The following DNAJC24 variants were observed in gnomAD, a reference collection of about 807,000 sequenced individuals.
DNAJC24 encodes dnaJ homolog subfamily C member 24.
DNAJC24 carries 17 observed loss-of-function variants against 18.0 expected under a neutral mutation model. The observed-to-expected ratio is 0.94, with a 90% CI of 0.65 to 1.42. The LOEUF is 1.42. DNAJC24 is among the 40% of genes most tolerant of loss of function. The probability of loss-of-function intolerance (pLI) is 0.00; values close to 1 mark genes in which losing one functional copy is unlikely to be tolerated. For missense variants in DNAJC24, 158 were observed against 175.6 expected (o/e 0.90, Z 0.57); for synonymous variants, 55 against 57.7 (o/e 0.95, Z 0.21).
At chr11:31,425,505 C>G (rs1952852471) in intron 3 of DNAJC24, among the ~76,000 whole-genome samples, 1 of 152,096 alleles carries the variant, frequency 6.6e-6, no homozygotes, top group Admixed American at 6.6e-5. Flanking sequence ...TGCTGGTTGA[C>G]TCGGTTTCTG....
At chr11:31,427,715 A>G (rs1952876402) in intron 4 of DNAJC24, 1 of 152,186 alleles carries the variant, frequency 6.6e-6, no homozygotes. Context: ...AGTTCTTGCT[A>G]TAGTCGATAT....
At chr11:31,421,899 A>G in intron 3 of DNAJC24, 1 of 415,800 alleles carries the variant, frequency 2.4e-6, no homozygotes, top group Non-Finnish European at 4.8e-6. Flanking sequence ...CAAGCTGCTA[A>G]TAGTTATTTA....
At chr11:31,402,018 G>T (rs1952605596) in intron 2 of DNAJC24, among the ~76,000 whole-genome samples, 1 of 152,154 alleles carries the variant, frequency 6.6e-6, no homozygotes, top group Non-Finnish European at 1.5e-5. Flanking sequence ...TCACTTCAAG[G>T]TCGGGATATT....
At chr11:31,370,986 T>C in intron 2 of DNAJC24, 127 bp downstream of exon 2, 1 of 601,458 alleles carries the variant, frequency 1.7e-6, no homozygotes, top group Non-Finnish European at 2.9e-6. Flanking sequence ...TTTGATTTAA[T>C]TGAACATTTC....
chr11:31,383,598 T>A (rs1442898312), intron 2 of DNAJC24, among the ~76,000 whole-genome samples: 1 of 152,244 alleles, frequency 6.6e-6, no homozygotes, highest in Non-Finnish European at 1.5e-5. Context: ...TGTTCTTACT[T>A]TGTAAGTGTT....
Position 31,431,849 on chromosome 11 carries a change from A to AGTATTAATGCCT in DNAJC24, c.*1454_*1465dup, listed in dbSNP as rs1422081986. ...AAATAAAATAAATAAAAAAAGATAT[A>AGTATTAATGCCT]GTATTAATGCCTGTATTTATGAAGA... On this transcript the variant is annotated 3_prime_UTR_variant, in exon 5 of 5. Coordinates refer to ENST00000465995, the MANE Select transcript of DNAJC24 (RefSeq NM_181706.5). 1 of 152,130 alleles carries AGTATTAATGCCT rather than the reference A, an allele frequency of 6.6e-6. No individual in the cohort carries two copies. The highest frequency in any genetic ancestry group is 1.5e-5 in the Non-Finnish European group (1 of 68,038). The allele number at this position is 152,130 out of a possible 1,614,324, so 9.4% of individuals were successfully genotyped here.
chr11:31,418,588 T>C (rs1197064650), intron 3 of DNAJC24, among the ~76,000 whole-genome samples: 1 of 152,132 alleles, frequency 6.6e-6, no homozygotes, highest in Non-Finnish European at 1.5e-5. Flanking sequence ...TTTAAAAGAA[T>C]AGATTGTGTT....
rs1407803145 is a variant in DNAJC24 at position 31,384,929 on chromosome 11, T to C, written c.111+14070T>C. On this transcript the variant is annotated intron_variant, in intron 2 of 4. Transcript: ENST00000465995. ...AAAGAAAATAGAGAATATAAGCATA[T>C]AATTTTCAGTTTACTAAAGAATACT... The C allele has an allele frequency of 3.9e-5, 6 of 152,122 alleles. No homozygotes were observed. The East Asian group carries it at 9.6e-4, about 24-fold the overall frequency. 9.4% of individuals were successfully genotyped at this position (152,122 alleles called of 1,614,324 possible).
intron 3 of DNAJC24, chr11:31,422,117 A>C (rs1952811890): frequency 4.8e-6 from 1 of 209,184 alleles, no homozygotes; most frequent in Non-Finnish European, 1.0e-5. Flanking sequence ...CTAAAGGTTG[A>C]AAGATTCTTT....
chr11:31,377,661 C>T (rs992139884), intron 2 of DNAJC24, among the ~76,000 whole-genome samples: 6 of 151,894 alleles, frequency 4.0e-5, no homozygotes, highest in Non-Finnish European at 8.8e-5. Flanking sequence ...TTATGTTATT[C>T]CTGTATTTTT....
chr11:31,381,220 T>A (rs1230130438), intron 2 of DNAJC24, among the ~76,000 whole-genome samples: 1 of 152,188 alleles, frequency 6.6e-6, no homozygotes, highest in East Asian at 1.9e-4. Context: ...ACGAATCCCC[T>A]TTTACTGGTT....
At chr11:31,405,184 C>T (rs1327550259) in intron 2 of DNAJC24, among the ~76,000 whole-genome samples, 1 of 151,256 alleles carries the variant, frequency 6.6e-6, no homozygotes, top group Non-Finnish European at 1.5e-5. Flanking sequence ...ATTCTCCTGC[C>T]TCAGCCTCCC....
In DNAJC24 at chr11:31,374,947, G is replaced by C. The variant is rs1475015357; in HGVS notation, c.111+4088G>C. 1.5e-5 allele frequency among the ~76,000 whole-genome samples: 2 copies of C among 133,416 alleles called. 1 individual carries two copies. Among genetic ancestry groups the C allele is most frequent in the Non-Finnish European group, 3.5e-5 (2 of 57,770 alleles). The allele number at this position is 133,416 out of a possible 152,430, so 87.5% of individuals were successfully genotyped here. ...TGTTTTTTTCTCTTCTCTCCTGTTT[G>C]TTCTTACACATTTATGCCTTTTTTT... On this transcript the variant is annotated intron_variant, in intron 2 of 4. Coordinates refer to ENST00000465995, the MANE Select transcript of DNAJC24 (RefSeq NM_181706.5).
chr11:31,399,100 A>T (rs1429200376), intron 2 of DNAJC24, among the ~76,000 whole-genome samples: 1 of 152,100 alleles, frequency 6.6e-6, no homozygotes, highest in Non-Finnish European at 1.5e-5. Context: ...GTTTATATTT[A>T]TATTGGATAT....
At chr11:31,402,877 G>A (rs1029677560) in intron 2 of DNAJC24, among the ~76,000 whole-genome samples, 1 of 139,354 alleles carries the variant, frequency 7.2e-6, no homozygotes, top group Non-Finnish European at 1.6e-5. Context: ...ATAATGCATT[G>A]TACTGTGACA....
intron 2 of DNAJC24, among the ~76,000 whole-genome samples, chr11:31,413,489 C>T (rs1446427205): frequency 6.6e-6 from 1 of 151,946 alleles, no homozygotes; most frequent in African/African-American, 2.4e-5. Flanking sequence ...CACCACCACA[C>T]CTGGCCAATA....
intron 3 of DNAJC24, among the ~76,000 whole-genome samples, chr11:31,419,906 C>T (rs1952787032): frequency 6.6e-6 from 1 of 152,014 alleles, no homozygotes; most frequent in Non-Finnish European, 1.5e-5. Context: ...CACAGTAGTC[C>T]ATCCCCAGAT....
rs1046535582 is a variant in DNAJC24, at chr11:31,413,142, T to C, written c.112-1669T>C. ...TGATTGTACCATTAATTGAGGAATG[T>C]ATGAACCAACCACACTGATGAGTCA... is the stretch of plus-strand genomic sequence containing the variant. On this transcript the variant is annotated intron_variant, in intron 2 of 4. Coordinates refer to ENST00000465995, the MANE Select transcript of DNAJC24 (RefSeq NM_181706.5). Among the ~76,000 whole-genome samples, 9 of 152,194 alleles carry C rather than the reference T, an allele frequency of 5.9e-5. No individual in the cohort carries two copies. The East Asian group carries it at 1.5e-3, about 26-fold the overall frequency.
chr11:31,409,082 T>C (rs918664988), intron 2 of DNAJC24, among the ~76,000 whole-genome samples: 1 of 152,250 alleles, frequency 6.6e-6, no homozygotes, highest in African/African-American at 2.4e-5. Context: ...TTCCATAAAC[T>C]AGTGTGTAAT....
Sources: gnomAD v4.1 joint callset for allele counts (sites outside exome capture counted in the v4.1 genomes callset) on GRCh38, gnomAD v4.1.1 for gene constraint, MANE v1.5 for transcripts, NCBI Gene and HGNC (gene_info 2026-07-23, HGNC 2026-07-21) for gene names.